PPARGC1B: variants seen among roughly 807,000 people sequenced by gnomAD.
The protein encoded by PPARGC1B is PPARG coactivator 1 beta.
PPARGC1B carries 34 observed loss-of-function variants against 101.6 expected under a neutral mutation model. The ratio of observed to expected loss-of-function variants is 0.33; its 90% CI spans 0.25 to 0.45. The LOEUF (loss-of-function observed/expected upper bound fraction) is 0.45. PPARGC1B is among the 20% of genes least tolerant of loss of function. PPARGC1B has a pLI of 1.00. For synonymous variants in PPARGC1B, 548 were observed against 539.3 expected, an observed-to-expected ratio of 1.02 and a Z score of -0.22; for missense variants, 1,234 against 1,317.6, an observed-to-expected ratio of 0.94 and a Z score of 0.98.
chr5:149,817,315 A>T (rs1463668584), intron 1 of PPARGC1B, among the ~76,000 whole-genome samples: 1 of 152,168 alleles, frequency 6.6e-6, no homozygotes, highest in Non-Finnish European at 1.5e-5. Flanking sequence ...CTGTACAAAA[A>T]ATTAAAAAAG....
At chr5:149,847,335 C>T in intron 11 of PPARGC1B, 123 bp from the exon 12 acceptor site, 1 of 808,850 alleles carries the variant, frequency 1.2e-6, no homozygotes. Flanking sequence ...CCCAGCTCCC[C>T]AAGGCCTTGG....
chr5:149,734,592 C>T (rs138175643), intron 1 of PPARGC1B, among the ~76,000 whole-genome samples: 555 of 152,068 alleles, frequency 3.6e-3, no homozygotes, highest in Non-Finnish European at 6.2e-3. Context: ...AATGCTAAAA[C>T]GAATATCTTT....
chr5:149,836,465 T>G lies in PPARGC1B; in HGVS notation c.2010T>G (p.His670Gln). Residue 670 changes from histidine (H) to glutamine (Q), a missense_variant, in exon 8 of 12, where the codon CAT becomes CAG. By Grantham distance (24) the His-to-Gln change is conservative (BLOSUM62 0). Transcript: ENST00000309241. ...ERSELLSHLRHATAQPASQAG... is the reference protein window; with the variant it reads ...ERSELLSHLRQATAQPASQAG... ...GTGAGCTCCTGTCCCACCTGCGACA[T>G]GCCACAGCCCAGCCAGCCTCCCAGG... 1 of 1,614,008 alleles carries G rather than the reference T, an allele frequency of 6.2e-7. No individual in the cohort carries two copies. The highest frequency in any genetic ancestry group is 8.5e-7 in the Non-Finnish European group (1 of 1,180,016).
At position 149,749,914 on chromosome 5, in the gene PPARGC1B, G is replaced by T. The variant is rs1380448676; in HGVS notation, c.78+19494G>T. ...ATTCTGCTTGGAGCTGAACCACCAG[G>T]TACTGGATAGAGAGGGAGACTAGTT... On this transcript the variant is annotated intron_variant, in intron 1 of 11. Transcript: ENST00000309241. Among the ~76,000 whole-genome samples the T allele has an allele frequency of 2.0e-5, 3 of 152,154 alleles. No homozygotes were observed. In the East Asian group the frequency reaches 5.8e-4, roughly 29 times the overall value.
At chr5:149,785,063 C>T (rs1756750554) in intron 1 of PPARGC1B, among the ~76,000 whole-genome samples, 1 of 152,162 alleles carries the variant, frequency 6.6e-6, no homozygotes, top group Admixed American at 6.5e-5. Flanking sequence ...TGACCTTGAC[C>T]CTTAATTACA....
intron 1 of PPARGC1B, among the ~76,000 whole-genome samples, chr5:149,771,165 A>G (rs886883546): frequency 6.6e-6 from 1 of 152,202 alleles, no homozygotes; most frequent in Admixed American, 6.5e-5. Context: ...ATGCAGGCGG[A>G]TGCTGCACCT....
At chr5:149,784,560 CTTTTTTTTTTTT>C (rs72364863) in intron 1 of PPARGC1B, among the ~76,000 whole-genome samples, 1 of 75,704 alleles carries the variant, frequency 1.3e-5, no homozygotes. Flanking sequence ...AACTGAGTTT[CTTTTTTTTTTTT>C]TTTTTTTTTT....
intron 1 of PPARGC1B, among the ~76,000 whole-genome samples, chr5:149,763,396 G>A (rs1325843481): frequency 1.3e-5 from 2 of 152,166 alleles, no homozygotes; most frequent in African/African-American, 4.8e-5. Flanking sequence ...TCAGGGGCAG[G>A]GGGAGGTGTT....
intron 9 of PPARGC1B, among the ~76,000 whole-genome samples, chr5:149,840,585 T>A (rs1189098083): frequency 1.3e-5 from 2 of 152,120 alleles, no homozygotes; most frequent in Admixed American, 1.3e-4. Flanking sequence ...TTCCCCAACT[T>A]GATCAGTGCC....
At chr5:149,779,369 C>T (rs1561529319) in intron 1 of PPARGC1B, among the ~76,000 whole-genome samples, 1 of 152,184 alleles carries the variant, frequency 6.6e-6, no homozygotes, top group African/African-American at 2.4e-5. Flanking sequence ...GGAGGGGCTG[C>T]CTCTTCTGCC....
At position 149,853,616 on chromosome 5, in the gene PPARGC1B, T is replaced by C. The variant is rs1275865693; in HGVS notation, c.*6058T>C. On this transcript the variant is annotated 3_prime_UTR_variant, in exon 12 of 12. Transcript: ENST00000309241. The surrounding 1 kb of genome is among the most constrained non-coding windows in gnomAD (Gnocchi z 4.2). ...GGGGGCCTGGCCATGATCTTTGATA[T>C]GATCCCCGAATAGCCAAATAGTTTT... 1 of 152,276 alleles carries C rather than the reference T, an allele frequency of 6.6e-6. No homozygotes were observed. The highest frequency in any genetic ancestry group is 2.4e-5 in the African/African-American group (1 of 41,478). The allele number at this position is 152,276 out of a possible 1,614,324, so 9.4% of individuals were successfully genotyped here. A position where few individuals can be genotyped will look rare whatever the true frequency, so the allele number is the denominator to read the frequency against.
chr5:149,749,219 C>T (rs1219339323), intron 1 of PPARGC1B, among the ~76,000 whole-genome samples: 1 of 152,206 alleles, frequency 6.6e-6, no homozygotes, highest in Non-Finnish European at 1.5e-5. Context: ...GATTATTACT[C>T]CTATTTACCG....
At position 149,784,908 on chromosome 5, in the gene PPARGC1B, C is replaced by T. The variant is rs972980807; in HGVS notation, c.79-35525C>T. Among the ~76,000 whole-genome samples, 5 of 152,196 alleles carry T rather than the reference C, an allele frequency of 3.3e-5. No individual in the cohort carries two copies. The South Asian group carries it at 1.0e-3, about 31-fold the overall frequency. On this transcript the variant is annotated intron_variant, in intron 1 of 11. Transcript: ENST00000309241. ...TCTCAGTTCCTTCTTGGGTCCTAAT[C>T]TCCTGGGCACTGGCCTGAGGTCTCC...
intron 2 of PPARGC1B, among the ~76,000 whole-genome samples, chr5:149,823,755 C>T (rs1274242781): frequency 6.6e-6 from 1 of 152,118 alleles, no homozygotes; most frequent in African/African-American, 2.4e-5. Flanking sequence ...CCCCACCTGG[C>T]TGTTTCAGTG....
At chr5:149,827,255 C>T (rs1305156505) in intron 3 of PPARGC1B, among the ~76,000 whole-genome samples, 1 of 152,210 alleles carries the variant, frequency 6.6e-6, no homozygotes, top group African/African-American at 2.4e-5. Context: ...CCTCCTTAGC[C>T]CTCTCTCTGT....
chr5:149,832,913 C>T lies in PPARGC1B; in HGVS notation c.840C>T (p.Ser280=). ...GGGCAGACCCCGGTGCCCCGGTTTC[C>T]CAGGAAGACATGCAGGCGATGGTGC... ...LGRADPGAPV[S]QEDMQAMVQL... The change falls in exon 5 of 12, where the codon TCC becomes TCT. Residue 280 remains serine (S), a synonymous_variant. Transcript: ENST00000309241. The surrounding 1 kb of genome is among the most constrained non-coding windows in gnomAD (Gnocchi z 4.9). The T allele has an allele frequency of 6.2e-7, 1 of 1,613,178 alleles. No individual in the cohort carries two copies. Among genetic ancestry groups the T allele is most frequent in the East Asian group, 2.2e-5 (1 of 44,868 alleles).
chr5:149,835,475 G>A (rs917074115), intron 7 of PPARGC1B, 110 bp downstream of exon 7: 1 of 954,310 alleles, frequency 1.0e-6, no homozygotes, highest in Non-Finnish European at 1.7e-6. Flanking sequence ...TGCGCAAGAT[G>A]CCTGCCTTCA....
In PPARGC1B at chr5:149,837,113, A is replaced by G. The variant is rs752587858; in HGVS notation, c.2618+40A>G. On this transcript the variant is annotated intron_variant, in intron 8 of 11. Transcript: ENST00000309241. This position sits in a 1 kb window ranked among gnomAD's most constrained non-coding sequence, Gnocchi z 4.2. ...CTGCAGGAGAGGCAGCGGGCAGTGG[A>G]GGATCCCAGTTCCCGGGGAGCCAGG... The G allele has an allele frequency of 1.3e-6, 2 of 1,548,532 alleles. No individual in the cohort carries two copies. The highest frequency in any genetic ancestry group is 1.7e-6 in the Non-Finnish European group (2 of 1,147,456).
chr5:149,752,754 G>A (rs958653010), intron 1 of PPARGC1B, among the ~76,000 whole-genome samples: 4 of 152,148 alleles, frequency 2.6e-5, no homozygotes, highest in Admixed American at 6.5e-5. Context: ...GCTTGAACCC[G>A]GGAGACGGAG....
Sources: gnomAD v4.1 joint callset for allele counts (sites outside exome capture counted in the v4.1 genomes callset) on GRCh38, gnomAD v4.1.1 for gene constraint, Gnocchi (gnomAD v3.1) non-coding constraint, MANE v1.5 for transcripts, NCBI Gene and HGNC (gene_info 2026-07-23, HGNC 2026-07-21) for gene names.